MLANA: variants seen among roughly 807,000 people sequenced by gnomAD.
The protein encoded by MLANA is melanoma antigen recognized by T-cells 1.
In MLANA, 21 loss-of-function variants were observed where a neutral mutation model predicts 15.7. That is an observed-to-expected ratio of 1.33 (90% CI 0.95 to 1.92). MLANA has a LOEUF of 1.92. Among genes scored for constraint, MLANA ranks in the 40% most tolerant of loss-of-function variants. The pLI is 0.00. For synonymous variants in MLANA, 56 were observed against 51.5 expected, an observed-to-expected ratio of 1.09 and a Z score of -0.37; for missense variants, 164 against 143.8, an observed-to-expected ratio of 1.14 and a Z score of -0.72.
chr9:5,900,826 T>C (rs989719703), intron 3 of MLANA, among the ~76,000 whole-genome samples: 20 of 152,236 alleles, frequency 1.3e-4, no homozygotes, highest in Non-Finnish European at 2.8e-4. Context: ...TAACCAGTTT[T>C]ACATCTTCAC....
intron 3 of MLANA, among the ~76,000 whole-genome samples, chr9:5,903,001 A>G (rs1832547348): frequency 6.6e-6 from 1 of 152,226 alleles, no homozygotes; most frequent in South Asian, 2.1e-4. Flanking sequence ...GCTAAGCAGT[A>G]TCCCACAAAT....
In MLANA at chr9:5,897,598, T is replaced by A. The variant is rs746620756; in HGVS notation, c.119T>A (p.Leu40Ter). The change falls in exon 3 of 5, where the codon TTA becomes TAA. Residue 40 changes from leucine to a stop codon, truncating the protein, a stop_gained. Transcript: ENST00000381477. LOFTEE classifies it high-confidence loss of function. ...IGILTVILGVLLLIGCWYCRR... is the reference protein window; with the variant it reads ...IGILTVILGV ...ATCCTGACAGTGATCCTGGGAGTCT[T>A]ACTGCTCATCGGCTGTTGGTATTGT... 3.2e-5 allele frequency: 51 copies of A among 1,614,038 alleles called. No homozygotes were observed. The Admixed American group carries it at 8.5e-4, about 27-fold the overall frequency.
chr9:5,893,467 G>C (rs1831791615), intron 2 of MLANA, among the ~76,000 whole-genome samples: 1 of 152,196 alleles, frequency 6.6e-6, no homozygotes, highest in Non-Finnish European at 1.5e-5. Context: ...GCCCAACAAA[G>C]GCACTGAGGA....
At chr9:5,907,530 A>G (rs1038271800) in intron 4 of MLANA, among the ~76,000 whole-genome samples, 2 of 152,262 alleles carry the variant, frequency 1.3e-5, no homozygotes, top group East Asian at 1.9e-4. Context: ...AAAAGAAGAT[A>G]AATGGTTCAT....
At position 5,908,885 on chromosome 9, in the gene MLANA, A is replaced by C; in HGVS notation, c.*177A>C. The C allele has an allele frequency of 1.7e-6, 1 of 576,022 alleles. No individual in the cohort carries two copies. The highest frequency in any genetic ancestry group is 2.3e-5 in the South Asian group (1 of 43,276). The allele number at this position is 576,022 out of a possible 1,614,324, so 35.7% of individuals were successfully genotyped here. On this transcript the variant is annotated 3_prime_UTR_variant, in exon 5 of 5. Coordinates refer to ENST00000381477, the MANE Select transcript of MLANA (RefSeq NM_005511.2). ...CGCTAGCAGTACTAATCATGTGAGGAAATGATGAGAAATATTAAATTGGGA... is the reference window on the plus strand; with the variant it reads ...CGCTAGCAGTACTAATCATGTGAGGCAATGATGAGAAATATTAAATTGGGA...
intron 3 of MLANA, among the ~76,000 whole-genome samples, chr9:5,906,329 CAA>C (rs140690425): frequency 4.7e-4 from 62 of 132,546 alleles, no homozygotes; most frequent in Non-Finnish European, 4.8e-4. Flanking sequence ...GACTCTGTCT[CAA>C]AAAAAAAAAA....
intron 3 of MLANA, among the ~76,000 whole-genome samples, chr9:5,906,123 G>C (rs748513649): frequency 6.6e-6 from 1 of 151,752 alleles, no homozygotes; most frequent in Non-Finnish European, 1.5e-5. Context: ...GGCTGAGGCA[G>C]GAGGATTGCT....
chr9:5,897,476 A>C, intron 2 of MLANA, 81 bp from the exon 3 acceptor site: 1 of 1,307,988 alleles, frequency 7.6e-7, no homozygotes. Context: ...GTCCATATGA[A>C]GAGGAAGACT....
intron 2 of MLANA, among the ~76,000 whole-genome samples, chr9:5,893,430 C>T (rs1831789012): frequency 6.6e-6 from 1 of 152,196 alleles, no homozygotes; most frequent in Admixed American, 6.5e-5. Context: ...TGTTAACAGT[C>T]AACCGCAGGG....
intron 3 of MLANA, among the ~76,000 whole-genome samples, chr9:5,900,657 CCA>C (rs1563815707): frequency 1.3e-5 from 2 of 152,110 alleles, no homozygotes; most frequent in Non-Finnish European, 2.9e-5. Flanking sequence ...TTCCATTTGT[CCA>C]CAGAGAGGCT....
Position 5,908,680 on chromosome 9 carries a change from A to C in MLANA, c.329A>C (p.Glu110Ala), listed in dbSNP as rs1439272306. 1.2e-5 allele frequency: 20 copies of C among 1,614,148 alleles called. No individual in the cohort carries two copies. The highest frequency in any genetic ancestry group is 1.7e-5 in the Non-Finnish European group (20 of 1,179,996). Residue 110 changes from glutamate to alanine, a missense_variant, in exon 5 of 5, where the codon GAA (glutamate) becomes GCA (alanine). Physicochemically the swap from Glu to Ala is moderately radical, Grantham distance 107. Transcript: ENST00000381477. ...CCTGCTTATGAGAAACTCTCTGCAG[A>C]ACAGTCACCACCACCTTATTCACCT... is the stretch of plus-strand genomic sequence containing the variant. Reference protein sequence around the residue: ...APPAYEKLSAEQSPPPYSP With the variant: ...APPAYEKLSAAQSPPPYSP
intron 3 of MLANA, 120 bp from the exon 4 acceptor site, chr9:5,906,765 G>A: frequency 3.3e-6 from 2 of 601,948 alleles, no homozygotes; most frequent in Non-Finnish European, 5.8e-6. Context: ...AAGGCACACA[G>A]CAAGTAAGTG....
Position 5,908,783 on chromosome 9 carries a change from A to G in MLANA, c.*75A>G, listed in dbSNP as rs1033170792. ...TGCTTGAATTTAATACAGACATCTAATGTTCTCCTTTGGAATGGTGTAGGA... is the reference window on the plus strand; with the variant it reads ...TGCTTGAATTTAATACAGACATCTAGTGTTCTCCTTTGGAATGGTGTAGGA... On this transcript the variant is annotated 3_prime_UTR_variant, in exon 5 of 5. Coordinates refer to ENST00000381477, the MANE Select transcript of MLANA (RefSeq NM_005511.2). The G allele has an allele frequency of 7.1e-7, 1 of 1,403,444 alleles. No homozygotes were observed. The highest frequency in any genetic ancestry group is 1.0e-6 in the Non-Finnish European group (1 of 991,858). The allele number at this position is 1,403,444 out of a possible 1,614,324, so 86.9% of individuals were successfully genotyped here.
rs1030836019 is a variant in MLANA at position 5,910,099 on chromosome 9, G to C, written c.*1391G>C. On this transcript the variant is annotated 3_prime_UTR_variant, in exon 5 of 5. Transcript: ENST00000381477. ...TATGAACCTGAGACCTGCTCTCTTT[G>C]TCAAACAGAGATTAACAAGGATCAG... 2.6e-5 allele frequency: 4 copies of C among 152,190 alleles called. No homozygotes were observed. Among genetic ancestry groups the C allele is most frequent in the Non-Finnish European group, 1.5e-5 (1 of 68,018 alleles). The allele number at this position is 152,190 out of a possible 1,614,324, so 9.4% of individuals were successfully genotyped here. A position where few individuals can be genotyped will look rare whatever the true frequency, so the allele number is the denominator to read the frequency against.
At chr9:5,904,662 G>A (rs1157200708) in intron 3 of MLANA, among the ~76,000 whole-genome samples, 5 of 152,054 alleles carry the variant, frequency 3.3e-5, no homozygotes, top group South Asian at 2.1e-4. Context: ...TAGTAGAGAC[G>A]GGGTTTCATC....
At chr9:5,906,450 T>C (rs943284330) in intron 3 of MLANA, among the ~76,000 whole-genome samples, 2 of 152,262 alleles carry the variant, frequency 1.3e-5, no homozygotes, top group African/African-American at 4.8e-5. Flanking sequence ...TTATTTTCTT[T>C]TTCTCTAAAG....
rs1008939913 is a variant in MLANA at position 5,908,884 on chromosome 9, G to A, written c.*176G>A. The A allele has an allele frequency of 3.5e-6, 2 of 571,846 alleles. No homozygotes were observed. The highest frequency in any genetic ancestry group is 3.1e-6 in the Non-Finnish European group (1 of 323,116). The allele number at this position is 571,846 out of a possible 1,614,324, so 35.4% of individuals were successfully genotyped here. A position where few individuals can be genotyped will look rare whatever the true frequency, so the allele number is the denominator to read the frequency against. ...CCGCTAGCAGTACTAATCATGTGAG[G>A]AAATGATGAGAAATATTAAATTGGG... On this transcript the variant is annotated 3_prime_UTR_variant, in exon 5 of 5. Transcript: ENST00000381477.
intron 2 of MLANA, among the ~76,000 whole-genome samples, chr9:5,893,471 C>G (rs1011891414): frequency 1.3e-5 from 2 of 152,180 alleles, no homozygotes; most frequent in African/African-American, 2.4e-5. Context: ...AACAAAGGCA[C>G]TGAGGAAGAG....
intron 2 of MLANA, among the ~76,000 whole-genome samples, chr9:5,893,058 G>A (rs1394536833): frequency 6.6e-6 from 1 of 152,136 alleles, no homozygotes; most frequent in Non-Finnish European, 1.5e-5. Context: ...AAGACATTGG[G>A]TTTTATGAGT....
Sources: allele counts gnomAD v4.1 joint callset (sites outside exome capture counted in the v4.1 genomes callset), GRCh38; gene constraint gnomAD v4.1.1; transcripts MANE v1.5; gene names NCBI Gene and HGNC (gene_info 2026-07-23, HGNC 2026-07-21).